CFAP65: variants seen among roughly 807,000 people sequenced by gnomAD.
CFAP65 encodes cilia- and flagella-associated protein 65.
In CFAP65, 155 loss-of-function variants were observed where a neutral mutation model predicts 208.0. That is an observed-to-expected ratio of 0.75 (90% CI 0.65 to 0.85). CFAP65 has a LOEUF of 0.85. Among genes scored for constraint, CFAP65 ranks in the 40% least tolerant of loss-of-function variants. CFAP65 has a pLI of 0.00. For missense variants in CFAP65, 2,294 were observed against 2,451.3 expected, an observed-to-expected ratio of 0.94 and a Z score of 1.36; for synonymous variants, 970 against 986.3, an observed-to-expected ratio of 0.98 and a Z score of 0.31.
intron 21 of CFAP65, among the ~76,000 whole-genome samples, chr2:219,017,711 C>T (rs1255479210): frequency 6.6e-6 from 1 of 152,194 alleles, no homozygotes; most frequent in Non-Finnish European, 1.5e-5. Context: ...GCTGGTTGCT[C>T]CTACCCAAAC....
At position 219,031,175 on chromosome 2, in the gene CFAP65, C is replaced by G; in HGVS notation, c.946G>C (p.Glu316Gln). The change falls in exon 8 of 35, where the codon GAG becomes CAG. Residue 316 changes from glutamate (E) to glutamine (Q), a missense_variant. This residue lies in a region of CFAP65 where 867 missense variants were observed against 1,012.6 expected (regional missense o/e 0.86). Coordinates refer to ENST00000341552, the MANE Select transcript of CFAP65 (RefSeq NM_194302.4). The surrounding 1 kb of genome is among the most constrained non-coding windows in gnomAD (Gnocchi z 5.2). ...TFQPLTAVIY[E>Q]VQATCWYGAG... ...CCGTACCAGCACGTGGCCTGCACCT[C>G]GTAGATGACGGCTGTAAGGGGCTGA... is the stretch of plus-strand genomic sequence containing the variant. 2 of 1,611,468 alleles carry G rather than the reference C, an allele frequency of 1.2e-6. No homozygotes were observed. Among genetic ancestry groups the G allele is most frequent in the Non-Finnish European group, 1.7e-6 (2 of 1,178,998 alleles).
At chr2:219,011,270 C>CTTTTTT (rs528817484) in intron 24 of CFAP65, among the ~76,000 whole-genome samples, 27 of 107,094 alleles carry the variant, frequency 2.5e-4, no homozygotes, top group African/African-American at 3.9e-4. Flanking sequence ...CTTTTTCTTT[C>CTTTTTT]TTTTTTTTTT....
rs199785320 is a variant in CFAP65, at chr2:219,012,123, G to T, written c.3958-1127C>A. 3.3e-5 allele frequency among the ~76,000 whole-genome samples: 5 copies of T among 152,258 alleles called. No individual in the cohort carries two copies. The East Asian group carries it at 7.7e-4, about 24-fold the overall frequency. On this transcript the variant is annotated intron_variant, in intron 24 of 34. Coordinates refer to ENST00000341552, the MANE Select transcript of CFAP65 (RefSeq NM_194302.4). ...TGGGCTCCCCAGCCTTTTTAATTAA[G>T]ATAAATTATAATAAATTAAATTACA... is the stretch of plus-strand genomic sequence containing the variant.
Position 219,031,254 on chromosome 2 carries a change from C to A in CFAP65, c.867G>T (p.Leu289=). The A allele has an allele frequency of 6.2e-7, 1 of 1,613,728 alleles. No homozygotes were observed. The highest frequency in any genetic ancestry group is 2.2e-5 in the East Asian group (1 of 44,880). Residue 289 remains leucine, a synonymous_variant, in exon 8 of 35, where the codon CTG becomes CTT. Coordinates refer to ENST00000341552, the MANE Select transcript of CFAP65 (RefSeq NM_194302.4). This position sits in a 1 kb window ranked among gnomAD's most constrained non-coding sequence, Gnocchi z 5.2. ...CTGGCTCCAGGAGCCCCGTGGCGGG[C>A]AGCATCTGGAATGGGCTGGAGAACT... ...TWEFSSPFQM[L]PATGLLEPGQ... is the part of the protein sequence containing the mutation.
intron 4 of CFAP65, among the ~76,000 whole-genome samples, chr2:219,037,045 A>T (rs180909216): frequency 6.6e-6 from 1 of 152,198 alleles, no homozygotes; most frequent in East Asian, 1.9e-4. Context: ...CAGTTGGTGC[A>T]TCAGTCAGTG....
chr2:219,009,178 G>C, intron 28 of CFAP65, 24 bp from the exon 29 acceptor site: 1 of 1,597,668 alleles, frequency 6.3e-7, no homozygotes, highest in South Asian at 1.1e-5. Flanking sequence ...CAGAGAGAGA[G>C]AAGGCCAAGG....
rs1212838497 is a variant in CFAP65, at chr2:219,019,521, A to G, written c.3458T>C (p.Val1153Ala). 6.2e-7 allele frequency: 1 copy of G among 1,612,396 alleles called. No homozygotes were observed. The highest frequency in any genetic ancestry group is 8.5e-7 in the Non-Finnish European group (1 of 1,179,824). The change falls in exon 20 of 35, where the codon GTG (valine) becomes GCG (alanine). Residue 1153 changes from valine to alanine, a missense_variant. Val to Ala is a moderately conservative substitution (Grantham distance 64). This residue lies in a region of CFAP65 where 1,427 missense variants were observed against 1,438.7 expected (regional missense o/e 0.99). Transcript: ENST00000341552. ...DPTPCELTYK[V>A]PTRHSMSQIP... ...CTCAGCTCACCTGTGCCGGGTGGGCACCTTGTAGGTGAGCTCACAGGGGGT... is the reference window on the plus strand; with the variant it reads ...CTCAGCTCACCTGTGCCGGGTGGGCGCCTTGTAGGTGAGCTCACAGGGGGT...
intron 16 of CFAP65, among the ~76,000 whole-genome samples, chr2:219,022,835 C>T (rs917296011): frequency 6.6e-6 from 1 of 152,244 alleles, no homozygotes; most frequent in Non-Finnish European, 1.5e-5. Flanking sequence ...TCCTCACCCT[C>T]ACTGGTGGCT....
chr2:219,040,658 T>C, intron 1 of CFAP65, 94 bp from the exon 2 acceptor site: 1 of 1,539,050 alleles, frequency 6.5e-7, no homozygotes, highest in Non-Finnish European at 8.8e-7. Context: ...CTCAGGGGAC[T>C]GTACAGACAG....
chr2:219,024,136 G>C lies in CFAP65; in HGVS notation c.2474C>G (p.Thr825Ser). The change falls in exon 15 of 35, where the codon ACT becomes AGT. Residue 825 changes from threonine to serine, a missense_variant. Physicochemically the swap from Thr to Ser is moderately conservative, Grantham distance 58. Transcript: ENST00000341552. ...QRGSDVILRPTSGLVAPGAHQ... is the reference protein window; with the variant it reads ...QRGSDVILRPSSGLVAPGAHQ... Reference sequence around the variant, plus strand: ...GGCCCCGGGTGCCACAAGGCCCGAAGTGGGCCGAAGGATGACGTCTGAGCC... The same window carrying C: ...GGCCCCGGGTGCCACAAGGCCCGAACTGGGCCGAAGGATGACGTCTGAGCC... 6.2e-7 allele frequency: 1 copy of C among 1,614,064 alleles called. No homozygotes were observed. Among genetic ancestry groups the C allele is most frequent in the Non-Finnish European group, 8.5e-7 (1 of 1,180,036 alleles).
At chr2:219,015,873 C>T (rs183429266) in intron 21 of CFAP65, among the ~76,000 whole-genome samples, 80 of 152,064 alleles carry the variant, frequency 5.3e-4, no homozygotes, top group Non-Finnish European at 1.0e-3. Context: ...TAAAAGAATG[C>T]GTTAGATATA....
intron 4 of CFAP65, among the ~76,000 whole-genome samples, chr2:219,037,674 G>A (rs960662046): frequency 5.9e-5 from 9 of 152,234 alleles, no homozygotes; most frequent in African/African-American, 2.2e-4. Flanking sequence ...GCTCAGAGCA[G>A]AGCAGGGAAG....
At chr2:219,013,226 T>A in intron 24 of CFAP65, 33 bp downstream of exon 24, 1 of 1,452,196 alleles carries the variant, frequency 6.9e-7, no homozygotes, top group Non-Finnish European at 9.6e-7. Flanking sequence ...CACTTAGGCC[T>A]TCTTGGTCAA....
At chr2:219,029,867 A>G in intron 10 of CFAP65, 119 bp downstream of exon 10, 1 of 1,143,594 alleles carries the variant, frequency 8.7e-7, no homozygotes, top group Non-Finnish European at 1.2e-6. Context: ...ACCAGGGGGC[A>G]GCAGACACCC....
intron 24 of CFAP65, among the ~76,000 whole-genome samples, chr2:219,012,161 A>C (rs1559124502): frequency 6.6e-6 from 1 of 152,254 alleles, no homozygotes; most frequent in Admixed American, 6.5e-5. Flanking sequence ...AAATTATAAT[A>C]AATTTGTGGT....
Position 219,005,420 on chromosome 2 carries a change from G to A in CFAP65, c.5051+14C>T, listed in dbSNP as rs1292070651. On this transcript the variant is annotated intron_variant, in intron 32 of 34. Coordinates refer to ENST00000341552, the MANE Select transcript of CFAP65 (RefSeq NM_194302.4). ...GCGAAGGTGGCAATGAGGGCCCAGG[G>A]TGTGAGCTGGTACCTGATTATTGTG... 1 of 1,613,638 alleles carries A rather than the reference G, an allele frequency of 6.2e-7. No homozygotes were observed. The highest frequency in any genetic ancestry group is 8.5e-7 in the Non-Finnish European group (1 of 1,179,904).
intron 4 of CFAP65, 143 bp downstream of exon 4, chr2:219,038,232 A>G: frequency 1.4e-6 from 1 of 700,152 alleles, no homozygotes. Context: ...GAAAGGTGAC[A>G]AGGAAAGTCT....
chr2:219,022,015 C>T, intron 17 of CFAP65, 85 bp from the exon 18 acceptor site: 1 of 1,574,022 alleles, frequency 6.4e-7, no homozygotes, highest in Non-Finnish European at 8.6e-7. Flanking sequence ...CAGAGCATCC[C>T]CCAAGGAAGG....
rs889856160 is a variant in CFAP65 at position 219,004,804 on chromosome 2, G to T, written c.5052-349C>A. ...AATCCCTCCAGCCAGCTCCATCAGAGCCCCACTGTCCTGGGGTGGGGGGGC... is the reference window on the plus strand; with the variant it reads ...AATCCCTCCAGCCAGCTCCATCAGATCCCCACTGTCCTGGGGTGGGGGGGC... On this transcript the variant is annotated intron_variant, in intron 32 of 34. Transcript: ENST00000341552. This position sits in a 1 kb window ranked among gnomAD's most constrained non-coding sequence, Gnocchi z 4.7. 8.0e-6 allele frequency among the ~76,000 whole-genome samples: 1 copy of T among 125,226 alleles called. No individual in the cohort carries two copies. Among genetic ancestry groups the T allele is most frequent in the Non-Finnish European group, 1.6e-5 (1 of 61,016 alleles). The allele number at this position is 125,226 out of a possible 152,430, so 82.2% of individuals were successfully genotyped here.
Sources: gnomAD v4.1 joint callset for allele counts (sites outside exome capture counted in the v4.1 genomes callset) on GRCh38, gnomAD v4.1.1 for gene constraint, gnomAD v4.1.1 regional missense constraint, Gnocchi (gnomAD v3.1) non-coding constraint, MANE v1.5 for transcripts, NCBI Gene and HGNC (gene_info 2026-07-23, HGNC 2026-07-21) for gene names.